SSH1: variants seen among roughly 807,000 people sequenced by gnomAD.
The protein encoded by SSH1 is slingshot protein phosphatase 1.
In SSH1, 43 loss-of-function variants were observed where a neutral mutation model predicts 79.7. The ratio of observed to expected loss-of-function variants is 0.54; its 90% CI spans 0.42 to 0.70. The LOEUF (loss-of-function observed/expected upper bound fraction) is 0.70. Ranked by LOEUF, SSH1 falls within the 30% of genes least tolerant of loss-of-function variation. SSH1 has a pLI of 0.00. For missense variants in SSH1, 1,206 were observed against 1,358.8 expected (o/e 0.89, Z 1.77); for synonymous variants, 599 against 538.3 (o/e 1.11, Z -1.56).
intron 9 of SSH1, 63 bp from the exon 10 acceptor site, chr12:108,805,247 G>A: frequency 1.3e-6 from 2 of 1,573,546 alleles, no homozygotes; most frequent in Non-Finnish European, 1.7e-6. Context: ...CACCTCAAAA[G>A]AATTAAAGTT....
At chr12:108,805,218 G>C in intron 9 of SSH1, 34 bp from the exon 10 acceptor site, 1 of 1,601,990 alleles carries the variant, frequency 6.2e-7, no homozygotes, top group Admixed American at 1.7e-5. Flanking sequence ...AAAGTGATTT[G>C]TTAAAGAAAA....
At chr12:108,852,899 C>T (rs1421908566) in intron 1 of SSH1, 6 of 985,440 alleles carry the variant, frequency 6.1e-6, no homozygotes, top group Non-Finnish European at 7.2e-6. Flanking sequence ...ACCCACATTC[C>T]TGCCGCAGTC....
intron 6 of SSH1, among the ~76,000 whole-genome samples, chr12:108,810,775 GA>G (rs1424921297): frequency 6.6e-6 from 1 of 152,168 alleles, no homozygotes; most frequent in African/African-American, 2.4e-5. Context: ...CTCATCCCCC[GA>G]CTGCCTGCCC....
intron 2 of SSH1, among the ~76,000 whole-genome samples, chr12:108,837,282 C>A (rs1026991771): frequency 3.9e-5 from 6 of 152,090 alleles, no homozygotes; most frequent in Non-Finnish European, 5.9e-5. Context: ...CAAAGAAAGA[C>A]TGAGGAAGGT....
chr12:108,792,739 C>A lies in SSH1; in HGVS notation c.1440G>T (p.Leu480Phe). Residue 480 changes from leucine to phenylalanine, a missense_variant, in exon 14 of 15, where the codon TTG (leucine) becomes TTT (phenylalanine). By Grantham distance (22) the Leu-to-Phe change is conservative (BLOSUM62 0). Transcript: ENST00000326495. ...VDDPAGPGDFLPETPDGTPES... is the reference protein window; with the variant it reads ...VDDPAGPGDFFPETPDGTPES... ...CCGGGGTGCCATCTGGGGTCTCTGGCAAGAAGTCGCCAGGTCCTGCAGGGT... is the reference window on the plus strand; with the variant it reads ...CCGGGGTGCCATCTGGGGTCTCTGGAAAGAAGTCGCCAGGTCCTGCAGGGT... 6.2e-7 allele frequency: 1 copy of A among 1,613,880 alleles called. No individual in the cohort carries two copies. Among genetic ancestry groups the A allele is most frequent in the South Asian group, 1.1e-5 (1 of 91,082 alleles).
intron 9 of SSH1, 142 bp downstream of exon 9, chr12:108,806,159 C>T: frequency 1.2e-6 from 1 of 813,290 alleles, no homozygotes; most frequent in Non-Finnish European, 2.2e-6. Context: ...TAGAACGAGG[C>T]AGAAAAAAGC....
At chr12:108,798,327 C>G (rs1463570196) in intron 13 of SSH1, among the ~76,000 whole-genome samples, 1 of 152,240 alleles carries the variant, frequency 6.6e-6, no homozygotes, top group East Asian at 1.9e-4. Flanking sequence ...CACACCTGAC[C>G]TCAGTGTTTT....
chr12:108,849,609 G>C (rs1453112474), intron 2 of SSH1, among the ~76,000 whole-genome samples: 3 of 151,292 alleles, frequency 2.0e-5, no homozygotes, highest in South Asian at 4.2e-4. Context: ...TAATGAGAAA[G>C]GTCCACATAC....
At chr12:108,806,613 A>G (rs1024103615) in intron 8 of SSH1, among the ~76,000 whole-genome samples, 1 of 152,180 alleles carries the variant, frequency 6.6e-6, no homozygotes, top group African/African-American at 2.4e-5. Context: ...GAGCAGGTCA[A>G]GCGGGGAGAG....
intron 2 of SSH1, among the ~76,000 whole-genome samples, chr12:108,837,768 C>T (rs564104376): frequency 2.0e-5 from 3 of 151,828 alleles, no homozygotes; most frequent in South Asian, 4.2e-4. Context: ...TACAAGTTTT[C>T]GAGTTACCAA....
rs550643439 is a variant in SSH1 at position 108,839,300 on chromosome 12, G to A, written c.110+13338C>T. 5.9e-5 allele frequency among the ~76,000 whole-genome samples: 9 copies of A among 152,354 alleles called. No homozygotes were observed. The South Asian group carries it at 1.9e-3, about 32-fold the overall frequency. On this transcript the variant is annotated intron_variant, in intron 2 of 14. Coordinates refer to ENST00000326495, the MANE Select transcript of SSH1 (RefSeq NM_018984.4). ...GCCTGGGAATTAGGTTCCTTAGGGA[G>A]CCTTCTTGCTGTAGGGGCAGCCAAC...
chr12:108,791,644 A>G (rs1258176539), intron 14 of SSH1, among the ~76,000 whole-genome samples: 4 of 152,166 alleles, frequency 2.6e-5, no homozygotes, highest in Non-Finnish European at 5.9e-5. Context: ...CTGTGGTCCC[A>G]GCTACTCAGG....
In SSH1 at chr12:108,827,093, G is replaced by C. The variant is rs530306792; in HGVS notation, c.111-3732C>G. 2.3e-4 allele frequency among the ~76,000 whole-genome samples: 35 copies of C among 151,776 alleles called. 2 individuals are homozygous for C. The South Asian group carries it at 7.3e-3, about 32-fold the overall frequency. ...GATCTGTTCTCGGACACTGATTACT[G>C]CCATTCGGGAAGCTTCATAAGATTA... On this transcript the variant is annotated intron_variant, in intron 2 of 14. Transcript: ENST00000326495.
intron 5 of SSH1, among the ~76,000 whole-genome samples, chr12:108,815,526 A>T (rs1411421405): frequency 6.6e-6 from 1 of 152,228 alleles, no homozygotes; most frequent in East Asian, 1.9e-4. Context: ...AGTCACTGGA[A>T]GAACAATTAC....
Position 108,781,010 on chromosome 12 carries a change from T to G in SSH1, c.*6978A>C, listed in dbSNP as rs2036140291. ...CTGAGATCACACCATTGCACTCCAG[T>G]CTGGGCAACAAGAGCTAAACTCCAT... On this transcript the variant is annotated 3_prime_UTR_variant, in exon 15 of 15. Transcript: ENST00000326495. 6.6e-6 allele frequency: 1 copy of G among 150,620 alleles called. No homozygotes were observed. Among genetic ancestry groups the G allele is most frequent in the South Asian group, 2.1e-4 (1 of 4,778 alleles). The allele number at this position is 150,620 out of a possible 1,614,324, so 9.3% of individuals were successfully genotyped here.
In SSH1 at chr12:108,788,546, C is replaced by A. The variant is rs751780975; in HGVS notation, c.2592G>T (p.Ala864=). The A allele has an allele frequency of 8.2e-6, 13 of 1,578,220 alleles. No homozygotes were observed. In the Admixed American group the frequency reaches 8.9e-5, roughly 11 times the overall value. The change falls in exon 15 of 15, where the codon GCG becomes GCT. Residue 864 remains alanine, a synonymous_variant. Transcript: ENST00000326495. ...TAACCAGGGGGCCCAGCTCGTGGAG[C>A]GCGGCTGGATCCTGGCTCTCCTCGG... is the stretch of plus-strand genomic sequence containing the variant. The part of the protein sequence containing the change: ...SIPEESQDPA[A]LHELGPLVMP...
intron 5 of SSH1, among the ~76,000 whole-genome samples, chr12:108,814,222 T>G (rs1364546482): frequency 6.6e-6 from 1 of 152,134 alleles, no homozygotes; most frequent in Non-Finnish European, 1.5e-5. Context: ...AGACCCCATC[T>G]TAAAAACAAA....
chr12:108,834,719 C>T (rs1005499789), intron 2 of SSH1, among the ~76,000 whole-genome samples: 1 of 152,202 alleles, frequency 6.6e-6, no homozygotes, highest in Non-Finnish European at 1.5e-5. Flanking sequence ...CCCTGACCCA[C>T]TTATTTACTA....
At chr12:108,852,342 C>T (rs918101866) in intron 2 of SSH1, among the ~76,000 whole-genome samples, 2 of 151,846 alleles carry the variant, frequency 1.3e-5, no homozygotes, top group African/African-American at 2.4e-5. Flanking sequence ...GATTCCCCCG[C>T]CTCAGCCCCC....
Sources: allele counts gnomAD v4.1 joint callset (sites outside exome capture counted in the v4.1 genomes callset), GRCh38; gene constraint gnomAD v4.1.1; transcripts MANE v1.5; gene names NCBI Gene and HGNC (gene_info 2026-07-23, HGNC 2026-07-21).